Variants in DNM3 observed in about 807,000 individuals in gnomAD.
DNM3 encodes the protein dynamin-3.
In DNM3, 47 loss-of-function variants were observed where a neutral mutation model predicts 101.6. The observed-to-expected ratio is 0.46, with a 90% CI of 0.37 to 0.59. The LOEUF is 0.59. DNM3 is among the 20% of genes least tolerant of loss of function. DNM3 has a pLI of 0.00. For synonymous variants in DNM3, 385 were observed against 387.9 expected (o/e 0.99, Z 0.09); for missense variants, 849 against 1,085.7 (o/e 0.78, Z 3.06).
At chr1:171,855,276 C>T (rs1166331503) in intron 1 of DNM3, among the ~76,000 whole-genome samples, 1 of 152,184 alleles carries the variant, frequency 6.6e-6, no homozygotes, top group East Asian at 1.9e-4. Flanking sequence ...TCCAATCTGT[C>T]ACTGATGGGC....
chr1:172,220,909 G>A (rs886621556), intron 14 of DNM3, among the ~76,000 whole-genome samples: 1 of 152,126 alleles, frequency 6.6e-6, no homozygotes, highest in East Asian at 1.9e-4. Context: ...TACATGTATT[G>A]TTCCATTTCA....
At chr1:172,217,606 CTCTT>C (rs1377513917) in intron 14 of DNM3, among the ~76,000 whole-genome samples, 2 of 152,106 alleles carry the variant, frequency 1.3e-5, no homozygotes, top group Admixed American at 6.6e-5. Context: ...TTCTCAAACT[CTCTT>C]TCTTCTTCTC....
chr1:172,104,421 G>A (rs1160753258), intron 13 of DNM3, among the ~76,000 whole-genome samples: 6 of 151,758 alleles, frequency 4.0e-5, no homozygotes, highest in African/African-American at 1.5e-4. Context: ...TAACTTACCG[G>A]CGAGGATAAA....
intron 14 of DNM3, among the ~76,000 whole-genome samples, chr1:172,194,769 T>C (rs1383858558): frequency 2.0e-5 from 3 of 152,276 alleles, no homozygotes; most frequent in African/African-American, 4.8e-5. Context: ...GCATGTAAGA[T>C]GAGTCTCCTG....
At chr1:172,138,902 C>G in intron 14 of DNM3, 1 of 473,906 alleles carries the variant, frequency 2.1e-6, no homozygotes, top group Non-Finnish European at 4.4e-6. Context: ...TCTGTCCAGC[C>G]AGGCCCTTGG....
At chr1:172,255,976 G>A (rs2062380969) in intron 15 of DNM3, among the ~76,000 whole-genome samples, 1 of 152,076 alleles carries the variant, frequency 6.6e-6, no homozygotes, top group Non-Finnish European at 1.5e-5. Context: ...CTGGAAGATT[G>A]TATGATTCTT....
intron 9 of DNM3, among the ~76,000 whole-genome samples, chr1:172,045,029 T>C (rs1353063981): frequency 6.6e-6 from 1 of 151,196 alleles, no homozygotes; most frequent in Non-Finnish European, 1.5e-5. Context: ...GAAAGGGCTT[T>C]CCGGTGGAAG....
At chr1:171,996,345 T>A (rs2045993861) in intron 4 of DNM3, among the ~76,000 whole-genome samples, 1 of 152,210 alleles carries the variant, frequency 6.6e-6, no homozygotes, top group Non-Finnish European at 1.5e-5. Context: ...CTTTTCAAAG[T>A]GCTCTTACTT....
At position 171,903,928 on chromosome 1, in the gene DNM3, A is replaced by T. The variant is rs555601784; in HGVS notation, c.162-17820A>T. Among the ~76,000 whole-genome samples the T allele has an allele frequency of 2.0e-5, 3 of 152,312 alleles. No homozygotes were observed. The South Asian group carries it at 6.2e-4, about 32-fold the overall frequency. ...TCTACTATACATGGGCACTACATTCATTGTAACCAACTAGTGTTCAGTAGA... is the reference window on the plus strand; with the variant it reads ...TCTACTATACATGGGCACTACATTCTTTGTAACCAACTAGTGTTCAGTAGA... On this transcript the variant is annotated intron_variant, in intron 1 of 20. Coordinates refer to ENST00000627582, the MANE Select transcript of DNM3 (RefSeq NM_015569.5).
intron 13 of DNM3, among the ~76,000 whole-genome samples, chr1:172,122,005 T>C (rs1473916546): frequency 6.6e-6 from 1 of 152,206 alleles, no homozygotes; most frequent in Non-Finnish European, 1.5e-5. Flanking sequence ...GTTATTTCAC[T>C]ACTAGGTTGC....
At chr1:171,990,741 A>T (rs1423123222) in intron 4 of DNM3, among the ~76,000 whole-genome samples, 1 of 152,008 alleles carries the variant, frequency 6.6e-6, no homozygotes. Flanking sequence ...TTGGTTCTCC[A>T]ATTCTTAGGC....
chr1:171,915,934 A>T (rs970956766), intron 1 of DNM3, among the ~76,000 whole-genome samples: 2 of 152,178 alleles, frequency 1.3e-5, no homozygotes, highest in Non-Finnish European at 2.9e-5. Context: ...TTTCCACTCC[A>T]TTCCTACTCA....
chr1:171,937,955 ACT>A lies in DNM3; in HGVS notation c.235+16138_235+16139del, dbSNP rs1231990399. 2.0e-5 allele frequency among the ~76,000 whole-genome samples: 3 copies of A among 151,112 alleles called. No homozygotes were observed. In the East Asian group the frequency reaches 5.8e-4, roughly 29 times the overall value. ...GTCTTTGAATCACATTTTGAGAAAC[ACT>A]CTCAACAGTTTCATCAAATTCTCTC... On this transcript the variant is annotated intron_variant, in intron 2 of 20. Transcript: ENST00000627582.
intron 4 of DNM3, among the ~76,000 whole-genome samples, chr1:172,002,267 A>G (rs2046401303): frequency 6.6e-6 from 1 of 152,106 alleles, no homozygotes; most frequent in South Asian, 2.1e-4. Flanking sequence ...ATGACTTCAT[A>G]TGTAGCTTAT....
chr1:172,174,237 G>GAGT (rs1297300699), intron 14 of DNM3, among the ~76,000 whole-genome samples: 2 of 151,574 alleles, frequency 1.3e-5, no homozygotes, highest in African/African-American at 4.8e-5. Context: ...TTTGATGGTT[G>GAGT]AGTATAGAAT....
chr1:172,306,741 C>CTGA (rs1195659844), intron 15 of DNM3, among the ~76,000 whole-genome samples: 9 of 150,848 alleles, frequency 6.0e-5, no homozygotes, highest in Admixed American at 1.3e-4. Flanking sequence ...CTACAACCAT[C>CTGA]TCTTTGACAA....
chr1:172,024,033 C>A (rs1211728481), intron 4 of DNM3, among the ~76,000 whole-genome samples: 2 of 151,972 alleles, frequency 1.3e-5, no homozygotes, highest in Non-Finnish European at 2.9e-5. Flanking sequence ...GCAATAAGTT[C>A]TCCTTTCTCT....
At chr1:172,233,847 A>G (rs2148619418) in intron 14 of DNM3, among the ~76,000 whole-genome samples, 1 of 152,344 alleles carries the variant, frequency 6.6e-6, no homozygotes, top group East Asian at 1.9e-4. Context: ...ACAGCCCTTC[A>G]CGCTAAAAAC....
intron 17 of DNM3, among the ~76,000 whole-genome samples, chr1:172,326,218 T>C (rs1162424846): frequency 6.6e-6 from 1 of 151,030 alleles, no homozygotes; most frequent in Non-Finnish European, 1.5e-5. Context: ...CATTTTCCTT[T>C]TGTGAGGAGA....
Sources: gnomAD v4.1 joint callset for allele counts (sites outside exome capture counted in the v4.1 genomes callset) on GRCh38, gnomAD v4.1.1 for gene constraint, MANE v1.5 for transcripts, NCBI Gene and HGNC (gene_info 2026-07-23, HGNC 2026-07-21) for gene names.